The following MAP4K5 variants were observed in gnomAD, a reference collection of about 807,000 sequenced individuals.
MAP4K5 encodes mitogen-activated protein kinase kinase kinase kinase 5.
In MAP4K5, 82 loss-of-function variants were observed where a neutral mutation model predicts 135.6. That is an observed-to-expected ratio of 0.60 (90% CI 0.51 to 0.73). The LOEUF (loss-of-function observed/expected upper bound fraction) is 0.73, where lower values mean the gene tolerates loss of function less well. Among genes scored for constraint, MAP4K5 ranks in the 30% least tolerant of loss-of-function variants. The pLI is 0.00. For synonymous variants in MAP4K5, 347 were observed against 335.0 expected, an observed-to-expected ratio of 1.04 and a Z score of -0.39; for missense variants, 907 against 1,010.9, an observed-to-expected ratio of 0.90 and a Z score of 1.39.
In MAP4K5 at chr14:50,532,451, C is replaced by G. The variant is rs1198730992; in HGVS notation, c.-113G>C. The G allele has an allele frequency of 6.3e-6, 1 of 157,960 alleles. No individual in the cohort carries two copies. Among genetic ancestry groups the G allele is most frequent in the African/African-American group, 2.4e-5 (1 of 41,712 alleles). 9.8% of individuals were successfully genotyped at this position (157,960 alleles called of 1,614,324 possible). A position where few individuals can be genotyped will look rare whatever the true frequency, so the allele number is the denominator to read the frequency against. ...GAGCGCGGAGCCCGGGACCTACTTCCTAGACCGCACCCGCGTCCTCCTCCC... is the reference window on the plus strand; with the variant it reads ...GAGCGCGGAGCCCGGGACCTACTTCGTAGACCGCACCCGCGTCCTCCTCCC... On this transcript the variant is annotated 5_prime_UTR_variant, in exon 1 of 33. Transcript: ENST00000682126.
At chr14:50,491,485 C>T (rs914709240) in intron 3 of MAP4K5, among the ~76,000 whole-genome samples, 5 of 151,706 alleles carry the variant, frequency 3.3e-5, no homozygotes, top group South Asian at 4.2e-4. Flanking sequence ...TTAATAGAGA[C>T]GGGGTTTCAC....
rs1566645253 is a variant in MAP4K5, at chr14:50,445,093, G to C, written c.1287C>G (p.Leu429=). ...PDSESRAPQI[L]RRQSSPSCGP... ...CACAACTTGGGCTACTCTGTCTTCTGAGAATTTGGGGAGCTCTGCTTTCTG... is the reference window on the plus strand; with the variant it reads ...CACAACTTGGGCTACTCTGTCTTCTCAGAATTTGGGGAGCTCTGCTTTCTG... The change falls in exon 18 of 33, where the codon CTC becomes CTG. Residue 429 remains leucine (L), a synonymous_variant. Transcript: ENST00000682126. 4 of 1,613,592 alleles carry C rather than the reference G, an allele frequency of 2.5e-6. No homozygotes were observed. Among genetic ancestry groups the C allele is most frequent in the African/African-American group, 1.3e-5 (1 of 74,922 alleles).
At chr14:50,447,040 G>C (rs2036369493) in intron 16 of MAP4K5, among the ~76,000 whole-genome samples, 1 of 152,126 alleles carries the variant, frequency 6.6e-6, no homozygotes, top group Non-Finnish European at 1.5e-5. Context: ...AGCTCTGTAG[G>C]CAATTGCAGT....
intron 32 of MAP4K5, among the ~76,000 whole-genome samples, chr14:50,420,366 C>A (rs943413236): frequency 2.0e-5 from 3 of 152,124 alleles, no homozygotes; most frequent in Non-Finnish European, 4.4e-5. Context: ...TGTGGTGGCT[C>A]ACACCTGTAA....
rs1268329880 is a variant in MAP4K5 at position 50,532,121 on chromosome 14, G to A, written c.-72C>T. The A allele has an allele frequency of 6.3e-6, 6 of 948,960 alleles. No homozygotes were observed. The highest frequency in any genetic ancestry group is 9.6e-6 in the Non-Finnish European group (6 of 626,574). The allele number at this position is 948,960 out of a possible 1,614,324, so 58.8% of individuals were successfully genotyped here. ...ATTCCCGCTAACAAGCACGAACGGC[G>A]CCGCTTCCCAACATGGAGCCTCCGC... On this transcript the variant is annotated 5_prime_UTR_variant, in exon 2 of 33. Transcript: ENST00000682126.
At position 50,464,093 on chromosome 14, in the gene MAP4K5, T is replaced by C; in HGVS notation, c.778A>G (p.Lys260Glu). The change falls in exon 12 of 33, where the codon AAA (lysine) becomes GAA (glutamate). Residue 260 changes from lysine to glutamate, a missense_variant. Physicochemically the swap from Lys to Glu is moderately conservative, Grantham distance 56. This residue lies in a region of MAP4K5 where 690 missense variants were observed against 777.4 expected (regional missense o/e 0.89). Transcript: ENST00000682126. Reference protein sequence around the residue: ...FHNFVKIALTKNPKKRPTAER... With the variant: ...FHNFVKIALTENPKKRPTAER... ...GCAGTTGGTCTTTTTTTTGGGTTTT[T>C]GGTTAGTGCTATTTTGACAAAATTA... 1 of 1,548,080 alleles carries C rather than the reference T, an allele frequency of 6.5e-7. No individual in the cohort carries two copies. Among genetic ancestry groups the C allele is most frequent in the Non-Finnish European group, 8.7e-7 (1 of 1,143,134 alleles).
In MAP4K5 at chr14:50,463,920, A is replaced by T. The variant is rs796234388; in HGVS notation, c.819+132T>A. On this transcript the variant is annotated intron_variant, in intron 12 of 32. Transcript: ENST00000682126. ...AAAAAAAAAAAAAAAAAAAAAAAAA[A>T]AAAAAAAAGTTTGCTGACCCCTGCT... 2.7e-3 allele frequency: 503 copies of T among 189,406 alleles called. 10 individuals are homozygous for T. In the South Asian group the frequency reaches 0.032, roughly 12 times the overall value. The allele number at this position is 189,406 out of a possible 1,614,324, so 11.7% of individuals were successfully genotyped here.
At chr14:50,431,603 C>T (rs111549889) in intron 28 of MAP4K5, among the ~76,000 whole-genome samples, 10,240 of 151,000 alleles carry the variant, frequency 0.068, 457 homozygotes, top group Middle Eastern at 0.13. Context: ...TATGGCTGCA[C>T]AGTATTCCAT....
chr14:50,442,329 C>G (rs1228810899), intron 21 of MAP4K5, among the ~76,000 whole-genome samples: 4 of 151,706 alleles, frequency 2.6e-5, no homozygotes, highest in African/African-American at 9.7e-5. Flanking sequence ...GAGCATGATG[C>G]CTCTTTACTT....
At chr14:50,520,764 G>A (rs556996119) in intron 2 of MAP4K5, among the ~76,000 whole-genome samples, 2 of 151,974 alleles carry the variant, frequency 1.3e-5, no homozygotes, top group East Asian at 3.9e-4. Flanking sequence ...AACCAAAAAC[G>A]GGACCGTTTC....
intron 2 of MAP4K5, among the ~76,000 whole-genome samples, chr14:50,517,933 A>G (rs1467434548): frequency 6.6e-6 from 1 of 152,206 alleles, no homozygotes; most frequent in African/African-American, 2.4e-5. Flanking sequence ...TATTAGTCAT[A>G]CATCAATTTA....
intron 1 of MAP4K5, among the ~76,000 whole-genome samples, chr14:50,550,096 T>G (rs1566709305): frequency 6.6e-6 from 1 of 152,180 alleles, no homozygotes; most frequent in East Asian, 1.9e-4. Flanking sequence ...TGATCCCAGC[T>G]GTACTCTTTG....
intron 9 of MAP4K5, among the ~76,000 whole-genome samples, chr14:50,474,115 C>T (rs1312562404): frequency 1.3e-5 from 2 of 151,956 alleles, no homozygotes; most frequent in Non-Finnish European, 2.9e-5. Flanking sequence ...TTAAAGAATC[C>T]AAATTGGCTA....
At chr14:50,457,048 C>G (rs777347306) in intron 13 of MAP4K5, among the ~76,000 whole-genome samples, 1 of 152,098 alleles carries the variant, frequency 6.6e-6, no homozygotes, top group Non-Finnish European at 1.5e-5. Flanking sequence ...GCATTTTAGA[C>G]AGCAGAAAGA....
At position 50,434,442 on chromosome 14, in the gene MAP4K5, T is replaced by C; in HGVS notation, c.2116A>G (p.Thr706Ala). Residue 706 changes from threonine (T) to alanine (A), a missense_variant, in exon 28 of 33, where the codon ACA becomes GCA. Thr to Ala is a moderately conservative substitution (Grantham distance 58, BLOSUM62 0). Coordinates refer to ENST00000682126, the MANE Select transcript of MAP4K5 (RefSeq NM_006575.6). ...TESNQVVQFE[T>A]INLNSASSWF... ...GAAGATGCAGAGTTCAAATTGATTG[T>C]CTCAAACTGAACTACCTGATTCGAT... 6.2e-7 allele frequency: 1 copy of C among 1,610,180 alleles called. No homozygotes were observed. The highest frequency in any genetic ancestry group is 8.5e-7 in the Non-Finnish European group (1 of 1,178,158).
At chr14:50,560,435 C>T (rs2038823448) in intron 1 of MAP4K5, 1 of 1,202,218 alleles carries the variant, frequency 8.3e-7, no homozygotes. Flanking sequence ...GTAGCCGAGC[C>T]GCTCCCTGTT....
At chr14:50,460,195 T>C (rs1566655364) in intron 13 of MAP4K5, among the ~76,000 whole-genome samples, 1 of 152,154 alleles carries the variant, frequency 6.6e-6, no homozygotes, top group African/African-American at 2.4e-5. Flanking sequence ...TATCCCTCCA[T>C]AGCACCTTTT....
At chr14:50,486,721 A>C (rs1171181335) in intron 3 of MAP4K5, among the ~76,000 whole-genome samples, 2 of 152,168 alleles carry the variant, frequency 1.3e-5, no homozygotes, top group African/African-American at 4.8e-5. Flanking sequence ...ACTTGAGGTC[A>C]GGAGTTCAAG....
chr14:50,498,702 T>G (rs2139993935), intron 3 of MAP4K5, among the ~76,000 whole-genome samples: 1 of 152,348 alleles, frequency 6.6e-6, no homozygotes, highest in African/African-American at 2.4e-5. Context: ...TTTTTCACCA[T>G]GGAGAAAAGC....
Sources: allele counts gnomAD v4.1 joint callset (sites outside exome capture counted in the v4.1 genomes callset), GRCh38; gene constraint gnomAD v4.1.1; regional missense constraint gnomAD v4.1.1; transcripts MANE v1.5; gene names NCBI Gene and HGNC (gene_info 2026-07-23, HGNC 2026-07-21).